The following SH3GL2 variants were observed in gnomAD, a reference collection of about 807,000 sequenced individuals.
SH3GL2 encodes the protein SH3 domain containing GRB2 like 2, endophilin A1, also known as endophilin-A1.
SH3GL2 carries 24 observed loss-of-function variants against 46.0 expected under a neutral mutation model. That is an observed-to-expected ratio of 0.52 (90% confidence interval 0.38 to 0.73). The LOEUF is 0.73. Ranked by LOEUF, SH3GL2 falls within the 30% of genes least tolerant of loss-of-function variation. SH3GL2 has a pLI of 0.00. For missense variants in SH3GL2, 413 were observed against 424.2 expected, an observed-to-expected ratio of 0.97 and a Z score of 0.23; for synonymous variants, 196 against 147.1, an observed-to-expected ratio of 1.33 and a Z score of -2.40.
chr9:17,709,117 A>G (rs1033687635), intron 1 of SH3GL2, among the ~76,000 whole-genome samples: 1 of 152,078 alleles, frequency 6.6e-6, no homozygotes, highest in Non-Finnish European at 1.5e-5. Context: ...TGTTTAGGCC[A>G]GAGGTTCTGC....
chr9:17,709,680 TACACAC>T lies in SH3GL2; in HGVS notation c.46-37357_46-37352del, dbSNP rs3837228. On this transcript the variant is annotated intron_variant, in intron 1 of 8. Coordinates refer to ENST00000380607, the MANE Select transcript of SH3GL2 (RefSeq NM_003026.5). ...TATATATAGTTTAACTTATTTGTAT[TACACAC>T]ACACACACACACACACACACACACA... is the stretch of plus-strand genomic sequence containing the variant. Among the ~76,000 whole-genome samples, 726 of 148,140 alleles carry T rather than the reference TACACAC, an allele frequency of 4.9e-3. 7 individuals are homozygous for T. The highest frequency in any genetic ancestry group is 0.017 in the Middle Eastern group (5 of 294).
chr9:17,637,643 C>T lies in SH3GL2; in HGVS notation c.45+58356C>T, dbSNP rs1298694115. On this transcript the variant is annotated intron_variant, in intron 1 of 8. Transcript: ENST00000380607. The stretch of plus-strand genomic sequence containing the variant: ...GTTTCTTTTGTTTACTAGCCATGTG[C>T]CTTTAGGCAAATGTCTTGTCCTTTC... Among the ~76,000 whole-genome samples, 9 of 152,192 alleles carry T rather than the reference C, an allele frequency of 5.9e-5. No homozygotes were observed. The South Asian group carries it at 6.2e-4, about 10-fold the overall frequency.
intron 3 of SH3GL2, among the ~76,000 whole-genome samples, chr9:17,774,544 G>A (rs1823585574): frequency 7.2e-6 from 1 of 138,846 alleles, no homozygotes; most frequent in Admixed American, 7.3e-5. Flanking sequence ...AGATGATCGT[G>A]TGTGTGGTTT....
intron 1 of SH3GL2, among the ~76,000 whole-genome samples, chr9:17,739,391 C>G (rs1447129254): frequency 6.6e-6 from 1 of 150,524 alleles, no homozygotes; most frequent in African/African-American, 2.4e-5. Flanking sequence ...TGTCATAAAT[C>G]TGACCTCAAG....
Position 17,650,517 on chromosome 9 carries a change from G to A in SH3GL2, c.45+71230G>A, listed in dbSNP as rs547854719. Among the ~76,000 whole-genome samples, 8 of 152,130 alleles carry A rather than the reference G, an allele frequency of 5.3e-5. No individual in the cohort carries two copies. The South Asian group carries it at 6.2e-4, about 12-fold the overall frequency. ...CTCTTGAGTAGCTGGGATTACAGGC[G>A]TGTGCCACCACGCCTGGCTAATTTT... On this transcript the variant is annotated intron_variant, in intron 1 of 8. Transcript: ENST00000380607.
chr9:17,700,648 G>A (rs1000770), intron 1 of SH3GL2, among the ~76,000 whole-genome samples: 79,049 of 151,862 alleles, frequency 0.52, 21,169 homozygotes, highest in African/African-American at 0.62. Context: ...CTTTAGAAAT[G>A]TTTCTCTATT....
chr9:17,672,061 T>C (rs1005290258), intron 1 of SH3GL2, among the ~76,000 whole-genome samples: 4 of 152,170 alleles, frequency 2.6e-5, no homozygotes, highest in Admixed American at 6.5e-5. Context: ...TGAAACTAAA[T>C]TGGAAACCGA....
chr9:17,606,978 A>G (rs1818771097), intron 1 of SH3GL2, among the ~76,000 whole-genome samples: 1 of 152,240 alleles, frequency 6.6e-6, no homozygotes, highest in Non-Finnish European at 1.5e-5. Flanking sequence ...ACAGTGATTC[A>G]GAGGAGCATG....
At chr9:17,627,578 T>C (rs1819312058) in intron 1 of SH3GL2, among the ~76,000 whole-genome samples, 1 of 152,206 alleles carries the variant, frequency 6.6e-6, no homozygotes, top group African/African-American at 2.4e-5. Context: ...CACATTGGCA[T>C]GAAAAATTTT....
chr9:17,742,276 C>T (rs1005924125), intron 1 of SH3GL2, among the ~76,000 whole-genome samples: 4 of 152,034 alleles, frequency 2.6e-5, no homozygotes, highest in Admixed American at 2.0e-4. Context: ...ATGTCTTCTG[C>T]GTAGAGGTGA....
intron 1 of SH3GL2, among the ~76,000 whole-genome samples, chr9:17,639,500 A>G (rs555997142): frequency 6.6e-6 from 1 of 151,948 alleles, no homozygotes; most frequent in East Asian, 1.9e-4. Flanking sequence ...ACCCACTGGA[A>G]TGGCCAAAGT....
At chr9:17,717,773 G>T (rs1821797548) in intron 1 of SH3GL2, among the ~76,000 whole-genome samples, 1 of 150,040 alleles carries the variant, frequency 6.7e-6, no homozygotes, top group Non-Finnish European at 1.5e-5. Context: ...TACTCTATGT[G>T]CTGTAAAGGA....
chr9:17,596,960 A>G (rs1196828094), intron 1 of SH3GL2, among the ~76,000 whole-genome samples: 4 of 152,082 alleles, frequency 2.6e-5, no homozygotes, highest in Non-Finnish European at 5.9e-5. Flanking sequence ...CCACTCTTTG[A>G]TGGCTTCAAT....
chr9:17,648,125 C>T (rs1819868840), intron 1 of SH3GL2, among the ~76,000 whole-genome samples: 1 of 152,112 alleles, frequency 6.6e-6, no homozygotes, highest in South Asian at 2.1e-4. Flanking sequence ...GTGTTATTGG[C>T]AAGTCTTCCA....
chr9:17,655,984 G>T (rs1175766731), intron 1 of SH3GL2, among the ~76,000 whole-genome samples: 2 of 152,186 alleles, frequency 1.3e-5, no homozygotes, highest in Admixed American at 6.5e-5. Context: ...GTTTGTGGCA[G>T]TTGGCACATC....
chr9:17,750,590 C>A (rs1822814533), intron 2 of SH3GL2, among the ~76,000 whole-genome samples: 1 of 152,210 alleles, frequency 6.6e-6, no homozygotes, highest in Admixed American at 6.5e-5. Context: ...TTTTTGTTTT[C>A]ATTTTAAATG....
At chr9:17,766,507 G>A (rs1380436243) in intron 3 of SH3GL2, among the ~76,000 whole-genome samples, 2 of 152,108 alleles carry the variant, frequency 1.3e-5, no homozygotes, top group Non-Finnish European at 2.9e-5. Flanking sequence ...AAACTGAATC[G>A]ATGTTGTCCA....
At chr9:17,789,796 C>G (rs1420735742) in intron 6 of SH3GL2, 3 of 979,546 alleles carry the variant, frequency 3.1e-6, no homozygotes, top group Non-Finnish European at 3.6e-6. Flanking sequence ...ACAGATGCTC[C>G]TTAACTTATG....
At chr9:17,794,083 G>A (rs1456812875) in intron 8 of SH3GL2, among the ~76,000 whole-genome samples, 1 of 152,202 alleles carries the variant, frequency 6.6e-6, no homozygotes, top group Non-Finnish European at 1.5e-5. Context: ...ATCATGCTGT[G>A]GCACTGGGGT....
Sources: gnomAD v4.1 joint callset for allele counts (sites outside exome capture counted in the v4.1 genomes callset) on GRCh38, gnomAD v4.1.1 for gene constraint, MANE v1.5 for transcripts, NCBI Gene and HGNC (gene_info 2026-07-23, HGNC 2026-07-21) for gene names.